PTPRD: variants seen among roughly 807,000 people sequenced by gnomAD.
PTPRD encodes receptor-type tyrosine-protein phosphatase delta.
In PTPRD, 34 loss-of-function variants were observed where a neutral mutation model predicts 214.5. The ratio of observed to expected loss-of-function variants is 0.16; its 90% CI spans 0.12 to 0.21. The LOEUF (loss-of-function observed/expected upper bound fraction) is 0.21. PTPRD is among the 10% of genes least tolerant of loss of function. PTPRD has a pLI of 1.00. For synonymous variants in PTPRD, 1,128 were observed against 845.7 expected (o/e 1.33, Z -5.79); for missense variants, 2,545 against 2,398.7 (o/e 1.06, Z -1.27).
At chr9:9,506,473 A>G (rs369871677) in intron 8 of PTPRD, among the ~76,000 whole-genome samples, 1 of 151,400 alleles carries the variant, frequency 6.6e-6, no homozygotes, top group African/African-American at 2.4e-5. Flanking sequence ...TTGTCCTTCC[A>G]GATTTATGAT....
At chr9:8,365,324 A>C (rs925563487) in intron 39 of PTPRD, among the ~76,000 whole-genome samples, 4 of 152,170 alleles carry the variant, frequency 2.6e-5, no homozygotes, top group Non-Finnish European at 5.9e-5. Context: ...TTTTTGAGTT[A>C]GGATGTAAGG....
At chr9:10,609,119 CA>C (rs2080265369) in intron 2 of PTPRD, among the ~76,000 whole-genome samples, 1 of 151,772 alleles carries the variant, frequency 6.6e-6, no homozygotes. Flanking sequence ...GGTGTAAGCC[CA>C]AAAATATGTA....
chr9:10,606,052 C>T lies in PTPRD; in HGVS notation c.-600+6346G>A, dbSNP rs573278899. ...TGAATATGGTACCTGAATTATTGTC[C>T]TATCCTTGATTTCTGTAGCAAAATC... On this transcript the variant is annotated intron_variant, in intron 2 of 45. Coordinates refer to ENST00000381196, the MANE Select transcript of PTPRD (RefSeq NM_002839.4). Among the ~76,000 whole-genome samples, 6 of 151,834 alleles carry T rather than the reference C, an allele frequency of 4.0e-5. No individual in the cohort carries two copies. The East Asian group carries it at 7.8e-4, about 20-fold the overall frequency.
At chr9:8,388,982 CTTTT>C (rs34248103) in intron 37 of PTPRD, among the ~76,000 whole-genome samples, 8 of 130,036 alleles carry the variant, frequency 6.2e-5, no homozygotes, top group African/African-American at 1.7e-4. Context: ...GTGAATATTC[CTTTT>C]TTTTTTTTTT....
intron 8 of PTPRD, among the ~76,000 whole-genome samples, chr9:9,460,671 T>C (rs2093573986): frequency 6.6e-6 from 1 of 151,728 alleles, no homozygotes; most frequent in Non-Finnish European, 1.5e-5. Context: ...AAGTAAAAAA[T>C]AGCATGTTGG....
At chr9:8,704,562 G>A (rs1365933080) in intron 12 of PTPRD, among the ~76,000 whole-genome samples, 3 of 152,298 alleles carry the variant, frequency 2.0e-5, no homozygotes, top group East Asian at 1.9e-4. Context: ...TAAAGGTTAA[G>A]TGAGGTGATG....
At chr9:10,098,074 C>G (rs199712130) in intron 3 of PTPRD, among the ~76,000 whole-genome samples, 1 of 151,766 alleles carries the variant, frequency 6.6e-6, no homozygotes, top group East Asian at 2.0e-4. Flanking sequence ...TTCACAATAG[C>G]AAAGACTTGG....
intron 14 of PTPRD, among the ~76,000 whole-genome samples, chr9:8,621,298 A>G (rs964111291): frequency 6.6e-6 from 1 of 152,028 alleles, no homozygotes. Context: ...CCTGAGCTTA[A>G]TCAATGCTGT....
intron 5 of PTPRD, among the ~76,000 whole-genome samples, chr9:9,925,279 G>C (rs1478390287): frequency 6.6e-6 from 1 of 151,920 alleles, no homozygotes; most frequent in South Asian, 2.1e-4. Context: ...TAAAATTGTT[G>C]CCTTACTAAA....
intron 9 of PTPRD, among the ~76,000 whole-genome samples, chr9:9,252,520 G>C (rs2099975906): frequency 6.6e-6 from 1 of 151,944 alleles, no homozygotes; most frequent in African/African-American, 2.4e-5. Context: ...CTTGCTCTCA[G>C]ATCCCAGGCT....
chr9:9,722,420 A>C (rs2097971320), intron 7 of PTPRD, among the ~76,000 whole-genome samples: 1 of 152,086 alleles, frequency 6.6e-6, no homozygotes, highest in South Asian at 2.1e-4. Context: ...TTACTTTTGG[A>C]AAAATAGCAT....
intron 11 of PTPRD, among the ~76,000 whole-genome samples, chr9:8,878,504 G>C (rs2098414615): frequency 6.6e-6 from 1 of 151,988 alleles, no homozygotes; most frequent in South Asian, 2.1e-4. Flanking sequence ...GAAGTGCTCT[G>C]ATTCTTCTTT....
At chr9:10,296,196 A>G (rs1464361869) in intron 3 of PTPRD, among the ~76,000 whole-genome samples, 3 of 152,126 alleles carry the variant, frequency 2.0e-5, no homozygotes, top group Non-Finnish European at 2.9e-5. Context: ...GTGTAAAAAT[A>G]ACGTCTGGAT....
At chr9:8,417,460 T>G (rs913558039) in intron 35 of PTPRD, among the ~76,000 whole-genome samples, 1 of 152,134 alleles carries the variant, frequency 6.6e-6, no homozygotes, top group Non-Finnish European at 1.5e-5. Flanking sequence ...CAATAACTCA[T>G]GAAAAACAAG....
At chr9:10,062,733 A>G (rs1334055357) in intron 3 of PTPRD, among the ~76,000 whole-genome samples, 1 of 151,966 alleles carries the variant, frequency 6.6e-6, no homozygotes, top group Non-Finnish European at 1.5e-5. Flanking sequence ...TGCCCATTTC[A>G]ACATCTTTCA....
At chr9:9,597,798 A>G (rs950090219) in intron 7 of PTPRD, among the ~76,000 whole-genome samples, 7 of 152,092 alleles carry the variant, frequency 4.6e-5, no homozygotes, top group African/African-American at 7.2e-5. Context: ...TGGAATATAC[A>G]TATTCATTTG....
At chr9:10,258,885 T>A (rs533865658) in intron 3 of PTPRD, among the ~76,000 whole-genome samples, 4 of 152,360 alleles carry the variant, frequency 2.6e-5, no homozygotes, top group Non-Finnish European at 5.9e-5. Flanking sequence ...ATTTACTGTA[T>A]GGTGGAGAAT....
intron 5 of PTPRD, among the ~76,000 whole-genome samples, chr9:9,809,255 C>A (rs980427407): frequency 1.1e-4 from 16 of 150,564 alleles, no homozygotes; most frequent in Non-Finnish European, 1.8e-4. Flanking sequence ...AGGGCCTTAG[C>A]CACAAGAGAT....
chr9:9,631,251 G>GTCTAT (rs2095583765), intron 7 of PTPRD, among the ~76,000 whole-genome samples: 1 of 148,740 alleles, frequency 6.7e-6, no homozygotes, highest in Non-Finnish European at 1.5e-5. Flanking sequence ...AAAAAAGAAA[G>GTCTAT]AGTGAGCTCT....
Sources: allele counts gnomAD v4.1 joint callset (sites outside exome capture counted in the v4.1 genomes callset), GRCh38; gene constraint gnomAD v4.1.1; transcripts MANE v1.5; gene names NCBI Gene and HGNC (gene_info 2026-07-23, HGNC 2026-07-21).